The following PROM1 variants were observed in gnomAD, a reference collection of about 807,000 sequenced individuals.
PROM1 encodes the protein prominin-1.
Under a neutral mutation model 116.9 loss-of-function variants are expected in PROM1, and 105 were observed. The observed-to-expected ratio is 0.90, with a 90% CI of 0.77 to 1.06. PROM1 has a LOEUF of 1.06. Among genes scored for constraint, PROM1 ranks in the 50% least tolerant of loss-of-function variants. The pLI is 0.00. For synonymous variants in PROM1, 393 were observed against 387.0 expected (o/e 1.02, Z -0.18); for missense variants, 1,122 against 1,045.2 (o/e 1.07, Z -1.01).
At position 15,968,659 on chromosome 4, in the gene PROM1, T is replaced by G. The variant is rs538106639; in HGVS notation, c.*734A>C. ...AACTCCACTTTTGAACGAACAGCAT[T>G]TCTCTCTCAAGATCTCTCTCTCTCT... On this transcript the variant is annotated 3_prime_UTR_variant, in exon 28 of 28. Coordinates refer to ENST00000447510, the MANE Select transcript of PROM1 (RefSeq NM_006017.3). The G allele has an allele frequency of 6.6e-6, 1 of 152,360 alleles. No individual in the cohort carries two copies. The highest frequency in any genetic ancestry group is 2.1e-4 in the South Asian group (1 of 4,830). 9.4% of individuals were successfully genotyped at this position (152,360 alleles called of 1,614,324 possible).
intron 26 of PROM1, among the ~76,000 whole-genome samples, chr4:15,978,139 C>T (rs778332638): frequency 3.3e-5 from 5 of 152,088 alleles, no homozygotes; most frequent in Admixed American, 1.3e-4. Context: ...CACCGGACAC[C>T]GAATCTGATG....
At position 16,016,202 on chromosome 4, in the gene PROM1, G is replaced by A. The variant is rs749224229; in HGVS notation, c.1041C>T (p.Asn347=). The A allele has an allele frequency of 1.0e-5, 16 of 1,554,450 alleles. No individual in the cohort carries two copies. The East Asian group carries it at 1.2e-4, about 12-fold the overall frequency. ...GGCCATCCAAATCTGTCCTAAGAAC[G>A]TTATTAACGTTGTCAAGTTCTGCAT... ...PVDAELDNVN[N]VLRTDLDGLV... Residue 347 remains asparagine (N), a synonymous_variant, in exon 10 of 28, where the codon AAC becomes AAT. Coordinates refer to ENST00000447510, the MANE Select transcript of PROM1 (RefSeq NM_006017.3).
At chr4:16,047,232 A>T (rs1233273944) in intron 2 of PROM1, among the ~76,000 whole-genome samples, 1 of 151,554 alleles carries the variant, frequency 6.6e-6, no homozygotes, top group Non-Finnish European at 1.5e-5. Flanking sequence ...TGAGAGAGAG[A>T]GAGTCTCTGT....
intron 2 of PROM1, among the ~76,000 whole-genome samples, chr4:16,059,333 G>A (rs947441267): frequency 4.6e-5 from 7 of 152,140 alleles, no homozygotes; most frequent in Admixed American, 1.3e-4. Flanking sequence ...AAAATTCAGT[G>A]AGCTGTTTCT....
chr4:16,041,771 TAA>T (rs1491471461), intron 2 of PROM1, among the ~76,000 whole-genome samples: 5,304 of 115,786 alleles, frequency 0.046, 175 homozygotes, highest in African/African-American at 0.12. Flanking sequence ...AATAAATAAA[TAA>T]ATAAATAAAT....
At chr4:15,999,264 G>C (rs4698438) in intron 14 of PROM1, among the ~76,000 whole-genome samples, 6,957 of 151,968 alleles carry the variant, frequency 0.046, 357 homozygotes, top group East Asian at 0.19. Flanking sequence ...GAGGTCAGGA[G>C]ATCGAGACCA....
At chr4:15,987,542 A>T in intron 20 of PROM1, 121 bp downstream of exon 20, 2 of 1,028,258 alleles carry the variant, frequency 1.9e-6, no homozygotes, top group Non-Finnish European at 2.9e-6. Context: ...TATTTAAAAT[A>T]GGTAGATAAC....
chr4:16,000,355 A>T, intron 14 of PROM1, 141 bp downstream of exon 14: 2 of 682,438 alleles, frequency 2.9e-6, no homozygotes, highest in Non-Finnish European at 4.2e-6. Flanking sequence ...AAATTTATTG[A>T]ATTTAATAAT....
intron 14 of PROM1, among the ~76,000 whole-genome samples, chr4:15,999,841 T>C (rs1157853909): frequency 4.0e-5 from 6 of 148,294 alleles, no homozygotes; most frequent in East Asian, 4.1e-4. Context: ...AAAATCAGAA[T>C]CTGGAGAAAA....
At chr4:16,049,548 C>G (rs1737363083) in intron 2 of PROM1, among the ~76,000 whole-genome samples, 2 of 152,082 alleles carry the variant, frequency 1.3e-5, no homozygotes, top group South Asian at 4.1e-4. Context: ...CTTGACAAAA[C>G]AAAGTTAAAA....
At chr4:16,025,719 G>GCACA (rs139033375) in intron 5 of PROM1, among the ~76,000 whole-genome samples, 205 of 150,256 alleles carry the variant, frequency 1.4e-3, no homozygotes, top group Admixed American at 2.9e-3. Flanking sequence ...ACACACACAC[G>GCACA]CACACACACA....
At chr4:16,044,281 A>G (rs1218523774) in intron 2 of PROM1, among the ~76,000 whole-genome samples, 1 of 152,170 alleles carries the variant, frequency 6.6e-6, no homozygotes, top group Non-Finnish European at 1.5e-5. Flanking sequence ...GTGAAATTCT[A>G]TCCCTATAAT....
At chr4:16,077,241 G>A (rs941589448) in intron 1 of PROM1, among the ~76,000 whole-genome samples, 3 of 152,232 alleles carry the variant, frequency 2.0e-5, no homozygotes, top group African/African-American at 4.8e-5. Context: ...GGGGAAAACC[G>A]CCTTAGGGCT....
intron 12 of PROM1, 125 bp downstream of exon 12, chr4:16,008,824 T>A: frequency 1.1e-6 from 1 of 880,736 alleles, no homozygotes; most frequent in South Asian, 1.8e-5. Flanking sequence ...GGTTAACATA[T>A]ATCAGGTCAT....
At chr4:16,005,617 C>G (rs144138592) in intron 13 of PROM1, among the ~76,000 whole-genome samples, 1 of 152,034 alleles carries the variant, frequency 6.6e-6, no homozygotes, top group East Asian at 1.9e-4. Flanking sequence ...CTCTCCAGCC[C>G]GCTCACTCAC....
rs768303070 is a variant in PROM1, at chr4:15,987,660, TA to T, written c.2130+2del. ...CATGACAGAAAACAAAGTAAACCCT[TA>T]CCAACAATCCATTCCCTGTGCGTTG... On this transcript the variant is annotated splice_donor_variant, in intron 20 of 27. Coordinates refer to ENST00000447510, the MANE Select transcript of PROM1 (RefSeq NM_006017.3). LOFTEE classifies it high-confidence loss of function. The T allele has an allele frequency of 5.6e-6, 9 of 1,609,776 alleles. No individual in the cohort carries two copies. In the Admixed American group the frequency reaches 1.5e-4, roughly 27 times the overall value.
rs1280326810 is a variant in PROM1 at position 15,979,394 on chromosome 4, C to A, written c.2582+1G>T. 2 of 1,613,646 alleles carry A rather than the reference C, an allele frequency of 1.2e-6. No individual in the cohort carries two copies. Among genetic ancestry groups the A allele is most frequent in the Non-Finnish European group, 1.7e-6 (2 of 1,179,722 alleles). On this transcript the variant is annotated splice_donor_variant, in intron 26 of 27. Transcript: ENST00000447510. LOFTEE classifies it high-confidence loss of function. ...GCATGCACTTCCAGACTTTGCTTTACCTTGTCATAACAGGATTGTGAATAC... is the reference window on the plus strand; with the variant it reads ...GCATGCACTTCCAGACTTTGCTTTAACTTGTCATAACAGGATTGTGAATAC...
intron 9 of PROM1, among the ~76,000 whole-genome samples, chr4:16,017,307 C>G (rs1333776279): frequency 6.6e-6 from 1 of 152,088 alleles, no homozygotes. Context: ...GTTCATCTTG[C>G]AAGTTTTCCA....
At chr4:16,046,796 C>T (rs1736655985) in intron 2 of PROM1, among the ~76,000 whole-genome samples, 2 of 152,202 alleles carry the variant, frequency 1.3e-5, no homozygotes, top group Non-Finnish European at 2.9e-5. Flanking sequence ...AGAGTGGGTA[C>T]TTCAGAGACA....
Sources: gnomAD v4.1 joint callset for allele counts (sites outside exome capture counted in the v4.1 genomes callset) on GRCh38, gnomAD v4.1.1 for gene constraint, MANE v1.5 for transcripts, NCBI Gene and HGNC (gene_info 2026-07-23, HGNC 2026-07-21) for gene names.